Variants in ZNF609 observed in about 807,000 individuals in gnomAD.
ZNF609 encodes zinc finger protein 609.
ZNF609 carries 11 observed loss-of-function variants against 109.5 expected under a neutral mutation model. The observed-to-expected ratio is 0.10, with a 90% CI of 0.06 to 0.17. ZNF609 has a LOEUF of 0.17. ZNF609 is among the 10% of genes least tolerant of loss of function. The pLI, the probability that ZNF609 is intolerant of heterozygous loss-of-function variation, is 1.00. For missense variants in ZNF609, 1,559 were observed against 1,772.4 expected (o/e 0.88, Z 2.16); for synonymous variants, 646 against 662.0 (o/e 0.98, Z 0.37).
At chr15:64,466,078 C>A (rs537194618) in intron 1 of ZNF609, among the ~76,000 whole-genome samples, 1 of 140,450 alleles carries the variant, frequency 7.1e-6, no homozygotes, top group African/African-American at 2.7e-5. Flanking sequence ...ATTGCGCCAT[C>A]GCACTCCAGC....
At chr15:64,563,747 C>G (rs1046967697) in intron 2 of ZNF609, among the ~76,000 whole-genome samples, 1 of 151,968 alleles carries the variant, frequency 6.6e-6, no homozygotes. Flanking sequence ...TTGTTCCAGC[C>G]TGGGCAACGA....
At chr15:64,588,258 ATAC>A (rs1895230810) in intron 2 of ZNF609, among the ~76,000 whole-genome samples, 1 of 22,078 alleles carries the variant, frequency 4.5e-5, no homozygotes, top group African/African-American at 1.2e-4. Context: ...TCTACTAAAA[ATAC>A]AAAAAAAAAA....
At chr15:64,538,783 T>C (rs1323856711) in intron 2 of ZNF609, among the ~76,000 whole-genome samples, 1 of 152,148 alleles carries the variant, frequency 6.6e-6, no homozygotes, top group African/African-American at 2.4e-5. Context: ...CGACCTCAAG[T>C]GATCCACTGC....
intron 1 of ZNF609, among the ~76,000 whole-genome samples, chr15:64,478,425 C>T (rs1210936404): frequency 6.6e-6 from 1 of 151,922 alleles, no homozygotes; most frequent in Admixed American, 6.6e-5. Flanking sequence ...GGCTGTGGTG[C>T]ATTGTTGCGA....
chr15:64,599,137 G>A (rs1302157929), intron 2 of ZNF609, among the ~76,000 whole-genome samples: 3 of 126,208 alleles, frequency 2.4e-5, no homozygotes, highest in Non-Finnish European at 1.6e-5. Context: ...TGGCAACTGA[G>A]CAAAGTAAAA....
chr15:64,642,804 T>A (rs999685031), intron 3 of ZNF609, among the ~76,000 whole-genome samples: 29 of 152,016 alleles, frequency 1.9e-4, no homozygotes, highest in African/African-American at 5.3e-4. Flanking sequence ...AAAAAATAAT[T>A]ATTATTATAA....
chr15:64,480,371 A>G (rs985304686), intron 1 of ZNF609, among the ~76,000 whole-genome samples: 1 of 152,074 alleles, frequency 6.6e-6, no homozygotes, highest in Non-Finnish European at 1.5e-5. Context: ...CCGTCTACTA[A>G]AATACAAAAA....
intron 1 of ZNF609, among the ~76,000 whole-genome samples, chr15:64,483,311 C>A (rs1192845798): frequency 6.6e-6 from 1 of 152,154 alleles, no homozygotes; most frequent in African/African-American, 2.4e-5. Context: ...TCAGGCTGGT[C>A]TCGAACTCCC....
chr15:64,602,528 T>A (rs959894791), intron 2 of ZNF609, among the ~76,000 whole-genome samples: 2 of 152,114 alleles, frequency 1.3e-5, no homozygotes, highest in African/African-American at 2.4e-5. Flanking sequence ...TTTATCGTTA[T>A]GATGATTATT....
At chr15:64,608,605 A>G (rs1895651428) in intron 2 of ZNF609, among the ~76,000 whole-genome samples, 1 of 152,142 alleles carries the variant, frequency 6.6e-6, no homozygotes, top group Non-Finnish European at 1.5e-5. Context: ...GACTATTTAC[A>G]ACTACATTTA....
intron 3 of ZNF609, among the ~76,000 whole-genome samples, chr15:64,633,208 C>T (rs866379951): frequency 4.0e-5 from 6 of 151,338 alleles, no homozygotes; most frequent in African/African-American, 7.3e-5. Flanking sequence ...AGTGCAGTGG[C>T]GTGATCACAG....
chr15:64,653,798 G>A (rs1042456045), intron 3 of ZNF609, among the ~76,000 whole-genome samples: 3 of 152,080 alleles, frequency 2.0e-5, no homozygotes, highest in East Asian at 1.9e-4. Context: ...TAGAGTTTGC[G>A]TTATCTGTTA....
intron 2 of ZNF609, among the ~76,000 whole-genome samples, chr15:64,595,686 C>T (rs1375607393): frequency 6.6e-6 from 1 of 152,118 alleles, no homozygotes; most frequent in African/African-American, 2.4e-5. Flanking sequence ...AAGTGACTTA[C>T]TTAAGGTTAT....
chr15:64,680,897 C>T (rs1166296500), intron 8 of ZNF609, 35 bp downstream of exon 8: 9 of 1,599,888 alleles, frequency 5.6e-6, no homozygotes, highest in Non-Finnish European at 7.6e-6. Flanking sequence ...GTTGTTTTGT[C>T]TTGTTTTGTT....
intron 2 of ZNF609, among the ~76,000 whole-genome samples, chr15:64,552,242 A>G (rs763799239): frequency 6.6e-6 from 1 of 152,146 alleles, no homozygotes; most frequent in Non-Finnish European, 1.5e-5. Flanking sequence ...TGTCTAACCT[A>G]AGGTTACAAA....
At chr15:64,465,033 GCATGCCCTAGA>G (rs1199072733) in intron 1 of ZNF609, among the ~76,000 whole-genome samples, 1 of 152,146 alleles carries the variant, frequency 6.6e-6, no homozygotes, top group Non-Finnish European at 1.5e-5. Context: ...TCACTCAGTA[GCATGCCCTAGA>G]CATGGCCCTA....
chr15:64,533,311 C>CAA (rs1022496399), intron 2 of ZNF609, among the ~76,000 whole-genome samples: 10 of 152,118 alleles, frequency 6.6e-5, no homozygotes, highest in African/African-American at 2.4e-4. Flanking sequence ...TCAGCCCTCC[C>CAA]AAAGTACTGG....
intron 1 of ZNF609, among the ~76,000 whole-genome samples, chr15:64,489,511 A>AC (rs1227136268): frequency 1.5e-5 from 2 of 137,206 alleles, no homozygotes; most frequent in African/African-American, 5.5e-5. Context: ...TTTGAATGCT[A>AC]CCATCTCCAT....
chr15:64,678,234 G>A lies in ZNF609; in HGVS notation c.3521G>A (p.Ser1174Asn). The A allele has an allele frequency of 6.2e-7, 1 of 1,614,210 alleles. No homozygotes were observed. Among genetic ancestry groups the A allele is most frequent in the Middle Eastern group, 1.6e-4 (1 of 6,062 alleles). Residue 1174 changes from serine (S) to asparagine (N), a missense_variant, in exon 6 of 10, where the codon AGT becomes AAT. Physicochemically the swap from Ser to Asn is conservative, Grantham distance 46. Coordinates refer to ENST00000326648, the MANE Select transcript of ZNF609 (RefSeq NM_015042.2). ...AAATTGAAGGAGGAAAGGAGTCGGA[G>A]TAAGGACTCTGTCCCCAAGGAAGAT... ...DRKLKEERSRSKDSVPKEDGK... is the reference protein window; with the variant it reads ...DRKLKEERSRNKDSVPKEDGK...
Sources: gnomAD v4.1 joint callset for allele counts (sites outside exome capture counted in the v4.1 genomes callset) on GRCh38, gnomAD v4.1.1 for gene constraint, MANE v1.5 for transcripts, NCBI Gene and HGNC (gene_info 2026-07-23, HGNC 2026-07-21) for gene names.